The following PPARGC1A variants were observed in gnomAD, a reference collection of about 807,000 sequenced individuals.
The protein encoded by PPARGC1A is PPARG coactivator 1 alpha.
Under a neutral mutation model 88.7 loss-of-function variants are expected in PPARGC1A, and 25 were observed. The observed-to-expected ratio is 0.28, with a 90% confidence interval of 0.21 to 0.39. The LOEUF is 0.39. Among genes scored for constraint, PPARGC1A ranks in the 10% least tolerant of loss-of-function variants. The pLI is 1.00. For synonymous variants in PPARGC1A, 363 were observed against 355.6 expected, an observed-to-expected ratio of 1.02 and a Z score of -0.24; for missense variants, 880 against 968.7, an observed-to-expected ratio of 0.91 and a Z score of 1.22.
At chr4:23,950,360 A>G in the PPARGC1A span, among the ~76,000 whole-genome samples, 1 of 152,110 alleles carries the variant, frequency 6.6e-6, no homozygotes, top group Admixed American at 6.6e-5. Flanking sequence ...TGGTAAATTG[A>G]CAAAAAGGTA....
the PPARGC1A span, among the ~76,000 whole-genome samples, chr4:24,407,044 A>G: frequency 0.016 from 2,378 of 152,168 alleles, 51 homozygotes; most frequent in African/African-American, 0.051. Flanking sequence ...GTGGCCATAG[A>G]TACATACCAG....
chr4:23,985,340 G>A, the PPARGC1A span, among the ~76,000 whole-genome samples: 1 of 152,048 alleles, frequency 6.6e-6, no homozygotes, highest in East Asian at 1.9e-4. Context: ...TCATCTAACA[G>A]GGCGTGTATT....
the PPARGC1A span, among the ~76,000 whole-genome samples, chr4:24,022,605 A>G: frequency 6.6e-6 from 1 of 152,144 alleles, no homozygotes. Flanking sequence ...AGGGAGGTGA[A>G]GGTGAGACAG....
chr4:24,353,535 T>G, the PPARGC1A span, among the ~76,000 whole-genome samples: 6 of 152,196 alleles, frequency 3.9e-5, no homozygotes, highest in African/African-American at 1.4e-4. Context: ...ATTTCCCGAT[T>G]CCTAAGCCTT....
the PPARGC1A span, among the ~76,000 whole-genome samples, chr4:23,937,219 G>T: frequency 1.3e-5 from 2 of 151,482 alleles, no homozygotes; most frequent in African/African-American, 4.9e-5. Context: ...TACTTCTACT[G>T]CTTTCATGGT....
chr4:23,840,853 C>T (rs1295477099), intron 2 of PPARGC1A, among the ~76,000 whole-genome samples: 1 of 152,002 alleles, frequency 6.6e-6, no homozygotes, highest in Non-Finnish European at 1.5e-5. Context: ...GACAATTTGT[C>T]TTCTTAATAA....
intron 7 of PPARGC1A, among the ~76,000 whole-genome samples, chr4:23,823,369 T>G (rs1474867478): frequency 6.6e-6 from 1 of 151,928 alleles, no homozygotes; most frequent in Non-Finnish European, 1.5e-5. Flanking sequence ...CCCCAAATAG[T>G]AAAAAATAAG....
At chr4:24,279,409 G>T in the PPARGC1A span, among the ~76,000 whole-genome samples, 6 of 152,282 alleles carry the variant, frequency 3.9e-5, no homozygotes, top group East Asian at 9.7e-4. Flanking sequence ...TGTAGGGAAG[G>T]TTGGAGCTGG....
chr4:24,269,048 G>A, the PPARGC1A span, among the ~76,000 whole-genome samples: 2 of 152,080 alleles, frequency 1.3e-5, no homozygotes, highest in Non-Finnish European at 2.9e-5. Flanking sequence ...ATTAAGATAT[G>A]TAACTACTCT....
the PPARGC1A span, among the ~76,000 whole-genome samples, chr4:23,959,804 G>C: frequency 1.3e-5 from 2 of 152,094 alleles, no homozygotes; most frequent in African/African-American, 4.8e-5. Flanking sequence ...AGCCGGGAAG[G>C]TAATGGTGGC....
Position 23,831,703 on chromosome 4 carries a change from T to C in PPARGC1A, c.283A>G (p.Thr95Ala). Residue 95 changes from threonine to alanine, a missense_variant, in exon 3 of 13, where the codon ACA (threonine) becomes GCA (alanine). Transcript: ENST00000264867. ...EANLLAVLTE[T>A]LDSLPVDEDG... ...TCATCCACAGGGAGACTGTCTAGTG[T>C]CTCTGTGAGGACTGCTAGCAAGTTT... The C allele has an allele frequency of 6.2e-7, 1 of 1,613,964 alleles. No homozygotes were observed. The highest frequency in any genetic ancestry group is 8.5e-7 in the Non-Finnish European group (1 of 1,179,870).
the PPARGC1A span, among the ~76,000 whole-genome samples, chr4:24,301,528 C>T: frequency 4.0e-5 from 6 of 150,374 alleles, no homozygotes; most frequent in South Asian, 2.1e-4. Flanking sequence ...AGAGCGGTTA[C>T]GGTCAGCTGT....
At chr4:23,993,051 T>C in the PPARGC1A span, among the ~76,000 whole-genome samples, 9 of 152,126 alleles carry the variant, frequency 5.9e-5, no homozygotes, top group African/African-American at 2.2e-4. Context: ...GGCCCTACTA[T>C]GTCCTTCCTT....
chr4:23,925,224 T>TAACAATGAGCTGTCATTATC, the PPARGC1A span, among the ~76,000 whole-genome samples: 40 of 152,352 alleles, frequency 2.6e-4, no homozygotes, highest in African/African-American at 9.6e-4. Context: ...GAGTCATTTT[T>TAACAATGAGCTGTCATTATC]ACCAATGAGC....
the PPARGC1A span, among the ~76,000 whole-genome samples, chr4:24,189,780 G>A: frequency 3.3e-5 from 5 of 152,124 alleles, no homozygotes; most frequent in Non-Finnish European, 5.9e-5. Flanking sequence ...GGATTAAGTC[G>A]TGGATAGCCC....
intron 2 of PPARGC1A, among the ~76,000 whole-genome samples, chr4:23,853,905 G>A (rs1239322652): frequency 1.3e-5 from 2 of 152,088 alleles, no homozygotes; most frequent in Non-Finnish European, 2.9e-5. Flanking sequence ...TACTAGGATT[G>A]GGGACCTAGG....
At chr4:23,951,833 G>A in the PPARGC1A span, among the ~76,000 whole-genome samples, 4 of 152,086 alleles carry the variant, frequency 2.6e-5, no homozygotes, top group Non-Finnish European at 4.4e-5. Context: ...CTTCCAAGAC[G>A]TTTCAGGAGT....
the PPARGC1A span, among the ~76,000 whole-genome samples, chr4:24,039,806 C>A: frequency 1.3e-5 from 2 of 152,128 alleles, no homozygotes; most frequent in Non-Finnish European, 2.9e-5. Context: ...GTTAAGCATA[C>A]GTAAGCACTC....
chr4:24,404,239 G>A, the PPARGC1A span, among the ~76,000 whole-genome samples: 9,958 of 151,810 alleles, frequency 0.066, 506 homozygotes, highest in Non-Finnish European at 0.099. Context: ...CTCCAGCCTG[G>A]GTGACAGAGT....
Sources: gnomAD v4.1 joint callset for allele counts (sites outside exome capture counted in the v4.1 genomes callset) on GRCh38, gnomAD v4.1.1 for gene constraint, MANE v1.5 for transcripts, NCBI Gene and HGNC (gene_info 2026-07-23, HGNC 2026-07-21) for gene names.